GLRA2: variants seen among roughly 807,000 people sequenced by gnomAD.
GLRA2 encodes the protein glycine receptor subunit alpha-2.
A neutral mutation model predicts 31.6 loss-of-function variants in GLRA2; 11 were observed. The observed-to-expected ratio is 0.35, with a 90% confidence interval of 0.22 to 0.58. The LOEUF is 0.58. GLRA2 is among the 20% of genes least tolerant of loss of function. The probability of loss-of-function intolerance (pLI) is 0.84; values close to 1 mark genes in which losing one functional copy is unlikely to be tolerated. For synonymous variants in GLRA2, 132 were observed against 134.0 expected, an observed-to-expected ratio of 0.99 and a Z score of 0.10; for missense variants, 212 against 351.8, an observed-to-expected ratio of 0.60 and a Z score of 3.18.
intron 4 of GLRA2, among the ~76,000 whole-genome samples, chrX:14,587,776 GA>G (rs2090096331): frequency 8.9e-6 from 1 of 111,912 alleles, no homozygotes; most frequent in Non-Finnish European, 1.9e-5. Context: ...TTGCTGTGAA[GA>G]AGCTCTTTGG....
rs192653123 is a variant in GLRA2, at chrX:14,550,798, C to A, written c.202+18426C>A. 2.1e-4 allele frequency among the ~76,000 whole-genome samples: 23 copies of A among 112,116 alleles called. No homozygotes were observed. The East Asian group carries it at 6.2e-3, about 30-fold the overall frequency. ...ATTTCAAACATATGTCCCAGAAGATCAAGCCAGAAGGTATTATGCACAATT... is the reference window on the plus strand; with the variant it reads ...ATTTCAAACATATGTCCCAGAAGATAAAGCCAGAAGGTATTATGCACAATT... On this transcript the variant is annotated intron_variant, in intron 2 of 8. Coordinates refer to ENST00000218075, the MANE Select transcript of GLRA2 (RefSeq NM_002063.4).
chrX:14,545,894 T>C (rs1190506050), intron 2 of GLRA2, among the ~76,000 whole-genome samples: 2 of 111,527 alleles, frequency 1.8e-5, no homozygotes, highest in Non-Finnish European at 3.8e-5. Flanking sequence ...ATATACAGTG[T>C]GTTCCCAAAA....
the GLRA2 span, among the ~76,000 whole-genome samples, chrX:14,497,681 C>A: frequency 1.8e-5 from 2 of 111,477 alleles, no homozygotes; most frequent in Non-Finnish European, 3.8e-5. Flanking sequence ...GACATTTGAA[C>A]CAGATTTTAA....
chrX:14,729,235 C>T (rs1176736578), intron 8 of GLRA2, among the ~76,000 whole-genome samples: 1 of 111,819 alleles, frequency 8.9e-6, no homozygotes, highest in Admixed American at 9.5e-5. Flanking sequence ...TTTAGTGCCT[C>T]TGGTGACTCA....
chrX:14,729,855 G>A (rs1161818421), intron 8 of GLRA2, among the ~76,000 whole-genome samples: 1 of 112,039 alleles, frequency 8.9e-6, no homozygotes, highest in Non-Finnish European at 1.9e-5. Context: ...GACTTACAGT[G>A]TAACACTGGG....
chrX:14,534,930 C>A (rs2089302703), intron 2 of GLRA2, among the ~76,000 whole-genome samples: 1 of 110,678 alleles, frequency 9.0e-6, no homozygotes, highest in Non-Finnish European at 1.9e-5. Context: ...ATAATACTTA[C>A]CATAGTTGAT....
chrX:14,657,338 G>A lies in GLRA2; in HGVS notation c.931-33372G>A, dbSNP rs758721006. 9.8e-5 allele frequency among the ~76,000 whole-genome samples: 11 copies of A among 112,162 alleles called. No individual in the cohort carries two copies. The South Asian group carries it at 2.2e-3, about 23-fold the overall frequency. On this transcript the variant is annotated intron_variant, in intron 7 of 8. Transcript: ENST00000218075. Reference sequence around the variant, plus strand: ...ATTTTACTTTAGGATCAGCAGGATCGTGAGACCAAACACATACAGAGATAA... The same window carrying A: ...ATTTTACTTTAGGATCAGCAGGATCATGAGACCAAACACATACAGAGATAA...
intron 7 of GLRA2, among the ~76,000 whole-genome samples, chrX:14,681,905 AAAAAAAT>A (rs1419473352): frequency 2.5e-5 from 2 of 80,802 alleles, no homozygotes; most frequent in Non-Finnish European, 4.8e-5. Context: ...AAAAAAAAAA[AAAAAAAT>A]ATATATATAT....
the GLRA2 span, among the ~76,000 whole-genome samples, chrX:14,491,658 C>T: frequency 9.0e-6 from 1 of 111,219 alleles, no homozygotes; most frequent in African/African-American, 3.3e-5. Flanking sequence ...TAACAAGCTC[C>T]CAGGTGATGT....
chrX:14,543,060 G>A (rs2089426979), intron 2 of GLRA2, among the ~76,000 whole-genome samples: 1 of 108,906 alleles, frequency 9.2e-6, no homozygotes, highest in Non-Finnish European at 1.9e-5. Context: ...CTTCTTTATA[G>A]TATTTTTCCC....
At chrX:14,456,344 T>C in the GLRA2 span, among the ~76,000 whole-genome samples, 2 of 111,809 alleles carry the variant, frequency 1.8e-5, no homozygotes, top group Non-Finnish European at 3.8e-5. Flanking sequence ...CCAACATTTA[T>C]CAATTCTTTG....
the GLRA2 span, among the ~76,000 whole-genome samples, chrX:14,462,343 A>T: frequency 9.1e-6 from 1 of 110,355 alleles, no homozygotes; most frequent in South Asian, 3.9e-4. Context: ...GCTCTTCTCG[A>T]GGAGTATCTT....
At chrX:14,484,259 A>G in the GLRA2 span, among the ~76,000 whole-genome samples, 1 of 112,158 alleles carries the variant, frequency 8.9e-6, no homozygotes, top group African/African-American at 3.2e-5. Context: ...TTGATATAAA[A>G]ATAGCTGCTA....
intron 3 of GLRA2, among the ~76,000 whole-genome samples, chrX:14,576,647 AG>A (rs2089962424): frequency 8.9e-6 from 1 of 112,657 alleles, no homozygotes; most frequent in Admixed American, 9.4e-5. Flanking sequence ...TGCAAAAAAA[AG>A]CTAAACATTT....
chrX:14,597,533 C>T (rs1478651909), intron 4 of GLRA2, among the ~76,000 whole-genome samples: 1 of 110,948 alleles, frequency 9.0e-6, no homozygotes, highest in Admixed American at 9.6e-5. Context: ...GGTCTATCAC[C>T]CAGGTTTCTG....
At chrX:14,470,204 A>T in the GLRA2 span, among the ~76,000 whole-genome samples, 2 of 112,033 alleles carry the variant, frequency 1.8e-5, no homozygotes, top group African/African-American at 6.5e-5. Context: ...TCAAATACAA[A>T]AGTTTTCTAA....
intron 7 of GLRA2, among the ~76,000 whole-genome samples, chrX:14,682,839 T>C (rs1192449051): frequency 9.1e-6 from 1 of 110,108 alleles, no homozygotes; most frequent in Non-Finnish European, 1.9e-5. Context: ...CTGAGAATGA[T>C]GGTTTCCAGC....
At chrX:14,483,115 A>T in the GLRA2 span, among the ~76,000 whole-genome samples, 1 of 111,996 alleles carries the variant, frequency 8.9e-6, no homozygotes, top group Admixed American at 9.5e-5. Context: ...GAGATACCTG[A>T]ATGTAATTTA....
chrX:14,495,353 A>C, the GLRA2 span, among the ~76,000 whole-genome samples: 1 of 111,077 alleles, frequency 9.0e-6, no homozygotes. Context: ...GCGAATGGAC[A>C]TTATGTTTTA....
Sources: gnomAD v4.1 joint callset for allele counts (sites outside exome capture counted in the v4.1 genomes callset) on GRCh38, gnomAD v4.1.1 for gene constraint, MANE v1.5 for transcripts, NCBI Gene and HGNC (gene_info 2026-07-23, HGNC 2026-07-21) for gene names.